ACADM: variants seen among roughly 807,000 people sequenced by gnomAD.
ACADM encodes acyl-CoA dehydrogenase medium chain.
Under a neutral mutation model 58.9 loss-of-function variants are expected in ACADM, and 49 were observed. The ratio of observed to expected loss-of-function variants is 0.83; its 90% confidence interval spans 0.66 to 1.06. The LOEUF is 1.06. Among genes scored for constraint, ACADM ranks in the 50% least tolerant of loss-of-function variants. The probability of loss-of-function intolerance (pLI) is 0.00; values close to 1 mark genes in which losing one functional copy is unlikely to be tolerated. For synonymous variants in ACADM, 160 were observed against 157.7 expected (o/e 1.01, Z -0.11); for missense variants, 496 against 507.0 (o/e 0.98, Z 0.21).
intron 1 of ACADM, 134 bp from the exon 2 acceptor site, chr1:75,728,267 T>G (rs1647086612): frequency 1.6e-6 from 1 of 613,962 alleles, no homozygotes; most frequent in African/African-American, 1.9e-5. Context: ...ATTGAAGGCA[T>G]TTAAATAGTG....
rs758331876 is a variant in ACADM, at chr1:75,745,863, T to C, written c.657T>C (p.Phe219=). The C allele has an allele frequency of 9.2e-5, 149 of 1,613,936 alleles. No homozygotes were observed. Among genetic ancestry groups the C allele is most frequent in the Non-Finnish European group, 1.1e-4 (135 of 1,179,990 alleles). Residue 219 remains phenylalanine (F), a synonymous_variant, in exon 8 of 12, where the codon TTT becomes TTC. Coordinates refer to ENST00000370841, the MANE Select transcript of ACADM (RefSeq NM_000016.6). ...CTAAAGCTCCTGCTAATAAAGCCTT[T>C]ACTGGATTCATTGTGGAAGCAGATA... The part of the protein sequence containing the change: ...PDPKAPANKA[F]TGFIVEADTP...
At chr1:75,728,618 A>G in intron 2 of ACADM, 130 bp downstream of exon 2, 1 of 680,998 alleles carries the variant, frequency 1.5e-6, no homozygotes, top group East Asian at 2.9e-5. Context: ...CTGTCCACAG[A>G]TAATTTACAA....
At chr1:75,741,645 A>G (rs1647573606) in intron 7 of ACADM, among the ~76,000 whole-genome samples, 1 of 152,214 alleles carries the variant, frequency 6.6e-6, no homozygotes, top group African/African-American at 2.4e-5. Flanking sequence ...TTCACTGTTC[A>G]TATAGTAAGG....
rs1434607918 is a variant in ACADM at position 75,763,557 on chromosome 1, G to A, written c.*794G>A. ...CTTCGTGTAATAGTGTATATTTCTTGTATTTACTATGATGAAAAAAGGTCG... is the reference window on the plus strand; with the variant it reads ...CTTCGTGTAATAGTGTATATTTCTTATATTTACTATGATGAAAAAAGGTCG... On this transcript the variant is annotated 3_prime_UTR_variant, in exon 12 of 12. Transcript: ENST00000370841. The A allele has an allele frequency of 2.0e-5, 3 of 151,854 alleles. No individual in the cohort carries two copies. The highest frequency in any genetic ancestry group is 6.6e-5 in the Admixed American group (1 of 15,238). The allele number at this position is 151,854 out of a possible 1,614,324, so 9.4% of individuals were successfully genotyped here.
chr1:75,744,623 T>C (rs1411919368), intron 7 of ACADM: 9 of 1,075,752 alleles, frequency 8.4e-6, no homozygotes, highest in Non-Finnish European at 1.3e-5. Context: ...AAGACACTGT[T>C]GTTAATGACA....
Position 75,734,956 on chromosome 1 carries a change from T to G in ACADM, c.468+85T>G, listed in dbSNP as rs1647216346. 5.9e-6 allele frequency: 6 copies of G among 1,012,020 alleles called. No homozygotes were observed. In the Admixed American group the frequency reaches 1.2e-4, roughly 20 times the overall value. The allele number at this position is 1,012,020 out of a possible 1,614,324, so 62.7% of individuals were successfully genotyped here. ...CTCCTTTTCAGTCTATATGTATATA[T>G]TGGGATATTTAGCATTGAAACAAAA... On this transcript the variant is annotated intron_variant, in intron 6 of 11. Coordinates refer to ENST00000370841, the MANE Select transcript of ACADM (RefSeq NM_000016.6).
intron 6 of ACADM, among the ~76,000 whole-genome samples, chr1:75,737,671 T>G (rs1647344766): frequency 6.6e-6 from 1 of 152,124 alleles, no homozygotes; most frequent in African/African-American, 2.4e-5. Flanking sequence ...ACCATCTGGC[T>G]GACATGTTTT....
chr1:75,762,721 A>T lies in ACADM; in HGVS notation c.1224A>T (p.Arg408Ser). 6.2e-7 allele frequency: 1 copy of T among 1,608,288 alleles called. No homozygotes were observed. The change falls in exon 12 of 12, where the codon AGA becomes AGT. Residue 408 changes from arginine to serine, a missense_variant. Coordinates refer to ENST00000370841, the MANE Select transcript of ACADM (RefSeq NM_000016.6). Reference protein sequence around the residue: ...QIYEGTSQIQRLIVAREHIDK... With the variant: ...QIYEGTSQIQSLIVAREHIDK... ...ATGAAGGTACTTCACAAATTCAAAG[A>T]CTTATTGTAGCCCGTGAACACATTG...
At chr1:75,735,002 A>G in intron 6 of ACADM, 131 bp downstream of exon 6, 5 of 745,606 alleles carry the variant, frequency 6.7e-6, no homozygotes, top group Non-Finnish European at 9.3e-6. Flanking sequence ...TATTATTACA[A>G]TGATGTGTCA....
intron 10 of ACADM, 139 bp from the exon 11 acceptor site, chr1:75,760,983 G>A: frequency 1.3e-6 from 1 of 779,238 alleles, no homozygotes; most frequent in Non-Finnish European, 2.1e-6. Flanking sequence ...TAAGTAGGAG[G>A]ATTGCTTGAG....
intron 6 of ACADM, among the ~76,000 whole-genome samples, chr1:75,735,579 G>A (rs1375039503): frequency 6.6e-6 from 1 of 152,084 alleles, no homozygotes; most frequent in Non-Finnish European, 1.5e-5. Flanking sequence ...TTGGCTGGTC[G>A]TGGTGGCTCA....
At chr1:75,760,849 A>G (rs1648805683) in intron 10 of ACADM, among the ~76,000 whole-genome samples, 1 of 152,120 alleles carries the variant, frequency 6.6e-6, no homozygotes, top group African/African-American at 2.4e-5. Flanking sequence ...GTTTGGTAAT[A>G]TGTTAACATT....
chr1:75,744,409 A>G (rs1193360832), intron 7 of ACADM: 15 of 1,503,818 alleles, frequency 1.0e-5, no homozygotes, highest in African/African-American at 1.4e-5. Flanking sequence ...AAGAGCTTCA[A>G]TCATGCCATT....
At chr1:75,738,250 G>A (rs1313206484) in intron 6 of ACADM, among the ~76,000 whole-genome samples, 3 of 151,338 alleles carry the variant, frequency 2.0e-5, no homozygotes, top group Non-Finnish European at 2.9e-5. Flanking sequence ...CTGAAATGGA[G>A]TCTCGCTCTG....
chr1:75,749,787 A>G lies in ACADM; in HGVS notation c.849+228A>G, dbSNP rs56799454. 6.2e-3 allele frequency among the ~76,000 whole-genome samples: 876 copies of G among 142,240 alleles called. 3 individuals are homozygous for G. The highest frequency in any genetic ancestry group is 0.022 in the African/African-American group (842 of 37,844). The allele number at this position is 142,240 out of a possible 152,430, so 93.3% of individuals were successfully genotyped here. A position where few individuals can be genotyped will look rare whatever the true frequency, so the allele number is the denominator to read the frequency against. On this transcript the variant is annotated intron_variant, in intron 9 of 11. Transcript: ENST00000370841. ...GAGTGCAGTGGTGCAATCTCAGCTC[A>G]TTGCAACCTTCACGTCCTGGGTTCA... is the stretch of plus-strand genomic sequence containing the variant.
At chr1:75,753,730 T>C (rs973784330) in intron 10 of ACADM, among the ~76,000 whole-genome samples, 3 of 151,610 alleles carry the variant, frequency 2.0e-5, no homozygotes, top group African/African-American at 7.3e-5. Flanking sequence ...AAATAGTCTT[T>C]TATCATTTGA....
At chr1:75,746,874 C>T (rs11161515) in intron 8 of ACADM, among the ~76,000 whole-genome samples, 35,829 of 152,006 alleles carry the variant, frequency 0.24, 4,580 homozygotes, top group Non-Finnish European at 0.3. Context: ...GCTGGGATTA[C>T]AGGCATGAGC....
intron 2 of ACADM, among the ~76,000 whole-genome samples, chr1:75,731,844 T>C (rs943611187): frequency 6.6e-6 from 1 of 152,040 alleles, no homozygotes; most frequent in African/African-American, 2.4e-5. Context: ...GGCATCATAG[T>C]GAGACCCTGT....
Position 75,750,459 on chromosome 1 carries a change from T to A in ACADM, c.858T>A (p.Ala286=). 6.2e-7 allele frequency: 1 copy of A among 1,610,994 alleles called. No homozygotes were observed. Among genetic ancestry groups the A allele is most frequent in the Non-Finnish European group, 8.5e-7 (1 of 1,179,048 alleles). The stretch of plus-strand genomic sequence containing the variant: ...ATATCTTAAAATACTAGGTAGCTGC[T>A]GGTGCTGTTGGATTAGCACAAAGAG... ...AFDKTRPVVA[A]GAVGLAQRAL... is the part of the protein sequence containing the mutation. The change falls in exon 10 of 12, where the codon GCT becomes GCA. Residue 286 remains alanine (A), a synonymous_variant. Coordinates refer to ENST00000370841, the MANE Select transcript of ACADM (RefSeq NM_000016.6).
Sources: gnomAD v4.1 joint callset for allele counts (sites outside exome capture counted in the v4.1 genomes callset) on GRCh38, gnomAD v4.1.1 for gene constraint, MANE v1.5 for transcripts, NCBI Gene and HGNC (gene_info 2026-07-23, HGNC 2026-07-21) for gene names.